CAMK2G: variants seen among roughly 807,000 people sequenced by gnomAD.
CAMK2G encodes calcium/calmodulin-dependent protein kinase type II subunit gamma.
In CAMK2G, 23 loss-of-function variants were observed where a neutral mutation model predicts 88.7. The ratio of observed to expected loss-of-function variants is 0.26; its 90% CI spans 0.19 to 0.37. The LOEUF is 0.37. Ranked by LOEUF, CAMK2G falls within the 10% of genes least tolerant of loss-of-function variation. The probability of loss-of-function intolerance (pLI) is 1.00; values close to 1 mark genes in which losing one functional copy is unlikely to be tolerated. For missense variants in CAMK2G, 476 were observed against 780.8 expected, an observed-to-expected ratio of 0.61 and a Z score of 4.65; for synonymous variants, 263 against 294.8, an observed-to-expected ratio of 0.89 and a Z score of 1.11.
chr10:73,834,139 C>T (rs1283336979), intron 14 of CAMK2G, among the ~76,000 whole-genome samples: 1 of 151,394 alleles, frequency 6.6e-6, no homozygotes, highest in Non-Finnish European at 1.5e-5. Context: ...AGGATGGTCT[C>T]GATCTCCTGA....
At chr10:73,820,194 C>A (rs1460327634) in intron 18 of CAMK2G, among the ~76,000 whole-genome samples, 1 of 152,084 alleles carries the variant, frequency 6.6e-6, no homozygotes, top group African/African-American at 2.4e-5. Flanking sequence ...AGGTCACTTA[C>A]TGAATTCAGG....
chr10:73,873,116 G>A (rs746648450), intron 1 of CAMK2G, 33 bp from the exon 2 acceptor site: 3 of 1,431,862 alleles, frequency 2.1e-6, no homozygotes, highest in Admixed American at 1.7e-5. Flanking sequence ...ACTGGGACAC[G>A]GAGCAGGGCA....
rs921797592 is a variant in CAMK2G, at chr10:73,839,904, G to A, written c.947-303C>T. ...GGGTCCACAGCGAAATGCCTGAGCCGGTGAGAGGCAGGTGCCCCTTCTGAG... is the reference window on the plus strand; with the variant it reads ...GGGTCCACAGCGAAATGCCTGAGCCAGTGAGAGGCAGGTGCCCCTTCTGAG... On this transcript the variant is annotated intron_variant, in intron 12 of 22. Transcript: ENST00000423381. This position sits in a 1 kb window ranked among gnomAD's most constrained non-coding sequence, Gnocchi z 4.2. Among the ~76,000 whole-genome samples the A allele has an allele frequency of 3.3e-5, 5 of 152,154 alleles. No homozygotes were observed. The highest frequency in any genetic ancestry group is 9.7e-5 in the African/African-American group (4 of 41,436).
At chr10:73,853,505 G>A (rs2094797600) in intron 3 of CAMK2G, among the ~76,000 whole-genome samples, 1 of 152,252 alleles carries the variant, frequency 6.6e-6, no homozygotes. Flanking sequence ...TCAAGATGGA[G>A]AAAAGCCGGA....
intron 12 of CAMK2G, among the ~76,000 whole-genome samples, chr10:73,841,295 A>G (rs1385393774): frequency 1.3e-5 from 2 of 151,902 alleles, no homozygotes; most frequent in Non-Finnish European, 2.9e-5. Flanking sequence ...CAAGGGAGGG[A>G]GTCTTATTAT....
At position 73,842,503 on chromosome 10, in the gene CAMK2G, C is replaced by T; in HGVS notation, c.858G>A (p.Glu286=). 1.9e-6 allele frequency: 3 copies of T among 1,614,034 alleles called. No individual in the cohort carries two copies. The highest frequency in any genetic ancestry group is 2.5e-6 in the Non-Finnish European group (3 of 1,179,886). The change falls in exon 11 of 23, where the codon GAG becomes GAA. Residue 286 remains glutamate (E), a synonymous_variant. Coordinates refer to ENST00000423381, the MANE Select transcript of CAMK2G (RefSeq NM_001367534.1). The surrounding 1 kb of genome is among the most constrained non-coding windows in gnomAD (Gnocchi z 4.6). ...TGAACTTGCGCAAACACTCCACAGTCTCCTGACGATGCATCATGGATGCCA... is the reference window on the plus strand; with the variant it reads ...TGAACTTGCGCAAACACTCCACAGTTTCCTGACGATGCATCATGGATGCCA... ...STVASMMHRQ[E]TVECLRKFNA...
chr10:73,843,639 T>C (rs1361978890), intron 10 of CAMK2G, among the ~76,000 whole-genome samples: 3 of 152,080 alleles, frequency 2.0e-5, no homozygotes, highest in African/African-American at 7.2e-5. Context: ...GCTGTTGCTG[T>C]CTTCACCAGC....
chr10:73,838,264 G>C (rs769021464), intron 13 of CAMK2G, among the ~76,000 whole-genome samples: 2 of 152,222 alleles, frequency 1.3e-5, no homozygotes, highest in Non-Finnish European at 2.9e-5. Context: ...AGCAGACAGT[G>C]GGGAGGAGAG....
chr10:73,834,966 A>G (rs2093018890), intron 14 of CAMK2G, among the ~76,000 whole-genome samples: 1 of 152,046 alleles, frequency 6.6e-6, no homozygotes, highest in Non-Finnish European at 1.5e-5. Context: ...AAGATACTGA[A>G]GTTCCCAGAA....
intron 6 of CAMK2G, 50 bp downstream of exon 6, chr10:73,849,211 T>A: frequency 6.3e-7 from 1 of 1,578,216 alleles, no homozygotes; most frequent in Non-Finnish European, 8.7e-7. Context: ...TGGCACCAGG[T>A]GGCGCCAACA....
chr10:73,837,220 C>G (rs982247009), intron 14 of CAMK2G: 8 of 517,240 alleles, frequency 1.5e-5, no homozygotes, highest in Non-Finnish European at 2.8e-5. Context: ...GGATTCAGCT[C>G]TGGTATAAAC....
At chr10:73,843,846 A>ATT in intron 10 of CAMK2G, among the ~76,000 whole-genome samples, 1 of 152,272 alleles carries the variant, frequency 6.6e-6, no homozygotes, top group Non-Finnish European at 1.5e-5. Flanking sequence ...ATGAGAGGTC[A>ATT]TCAGCAAGAA....
chr10:73,847,419 C>CA, intron 9 of CAMK2G, 72 bp from the exon 10 acceptor site: 1 of 1,507,552 alleles, frequency 6.6e-7, no homozygotes, highest in Non-Finnish European at 9.2e-7. Flanking sequence ...GTTCTGTCTT[C>CA]AACTCAACTC....
At chr10:73,850,429 C>T (rs377432704) in intron 5 of CAMK2G, among the ~76,000 whole-genome samples, 58 of 152,342 alleles carry the variant, frequency 3.8e-4, no homozygotes, top group African/African-American at 1.3e-3. Flanking sequence ...CCCGCCCCCC[C>T]CCACCGCAGG....
intron 2 of CAMK2G, among the ~76,000 whole-genome samples, chr10:73,870,830 C>A (rs967357146): frequency 6.6e-6 from 1 of 152,160 alleles, no homozygotes; most frequent in African/African-American, 2.4e-5. Flanking sequence ...GCCCTCACTC[C>A]CTAACCCCAT....
chr10:73,837,479 C>T lies in CAMK2G; in HGVS notation c.1042G>A (p.Gly348Ser). ...AKSLLNKKSD[G>S]GVKKRKSSSS... Reference sequence around the variant, plus strand: ...CTGGAGACACTTACCTTGACACCGCCATCCGACTTCTTGTTCAATAGGCTT... The same window carrying T: ...CTGGAGACACTTACCTTGACACCGCTATCCGACTTCTTGTTCAATAGGCTT... The change falls in exon 14 of 23, where the codon GGC becomes AGC. Residue 348 changes from glycine to serine, a missense_variant. Gly to Ser is a moderately conservative substitution (Grantham distance 56). Transcript: ENST00000423381. 1 of 1,613,744 alleles carries T rather than the reference C, an allele frequency of 6.2e-7. No homozygotes were observed. Among genetic ancestry groups the T allele is most frequent in the Non-Finnish European group, 8.5e-7 (1 of 1,179,646 alleles).
Position 73,837,485 on chromosome 10 carries a change from ACTT to A in CAMK2G, c.1033_1035del (p.Lys345del). On this transcript the variant is annotated inframe_deletion, in exon 14 of 23. Transcript: ENST00000423381. ...ACACTTACCTTGACACCGCCATCCG[ACTT>A]CTTGTTCAATAGGCTTTTGGCAGCT... The A allele has an allele frequency of 6.2e-7, 1 of 1,613,790 alleles. No individual in the cohort carries two copies. The highest frequency in any genetic ancestry group is 8.5e-7 in the Non-Finnish European group (1 of 1,179,720).
chr10:73,819,717 G>A (rs560408924), intron 18 of CAMK2G, 72 bp from the exon 19 acceptor site: 80 of 951,838 alleles, frequency 8.4e-5, no homozygotes, highest in Non-Finnish European at 2.2e-5. Context: ...GCAGGTGAGC[G>A]AGCAAGCCAG....
chr10:73,828,136 G>A lies in CAMK2G; in HGVS notation c.1054-15C>T, dbSNP rs749871332. On this transcript the variant is annotated splice_polypyrimidine_tract_variant and intron_variant, in intron 14 of 22. Coordinates refer to ENST00000423381, the MANE Select transcript of CAMK2G (RefSeq NM_001367534.1). ...GACTTCCTTTTCTGGACACACCACAGCAAGAGGGAAAGAGAAGGGGAAAGA... is the reference window on the plus strand; with the variant it reads ...GACTTCCTTTTCTGGACACACCACAACAAGAGGGAAAGAGAAGGGGAAAGA... The A allele has an allele frequency of 1.2e-6, 2 of 1,610,300 alleles. No homozygotes were observed. Among genetic ancestry groups the A allele is most frequent in the African/African-American group, 2.7e-5 (2 of 74,854 alleles).
Sources: gnomAD v4.1 joint callset for allele counts (sites outside exome capture counted in the v4.1 genomes callset) on GRCh38, gnomAD v4.1.1 for gene constraint, Gnocchi (gnomAD v3.1) non-coding constraint, MANE v1.5 for transcripts, NCBI Gene and HGNC (gene_info 2026-07-23, HGNC 2026-07-21) for gene names.